Variants in TTC7B observed in about 807,000 individuals in gnomAD.
TTC7B encodes tetratricopeptide repeat domain 7B, also known as tetratricopeptide repeat protein 7B.
A neutral mutation model predicts 106.8 loss-of-function variants in TTC7B; 28 were observed. The ratio of observed to expected loss-of-function variants is 0.26; its 90% CI spans 0.19 to 0.36. The LOEUF is 0.36. TTC7B is among the 10% of genes least tolerant of loss of function. TTC7B has a pLI of 1.00. For missense variants in TTC7B, 862 were observed against 1,076.4 expected (o/e 0.80, Z 2.79); for synonymous variants, 405 against 430.6 (o/e 0.94, Z 0.74).
At chr14:90,760,351 T>TCCATATG (rs1890458718) in intron 3 of TTC7B, among the ~76,000 whole-genome samples, 1 of 152,194 alleles carries the variant, frequency 6.6e-6, no homozygotes, top group South Asian at 2.1e-4. Context: ...CTCCACAGTC[T>TCCATATG]GCAGAGGTGC....
intron 15 of TTC7B, among the ~76,000 whole-genome samples, chr14:90,635,886 G>A (rs1239944267): frequency 1.3e-5 from 2 of 151,906 alleles, no homozygotes; most frequent in Middle Eastern, 3.2e-3. Context: ...TTGGGAGGCC[G>A]AGGCAGGCAG....
At position 90,816,245 on chromosome 14, in the gene TTC7B, G is replaced by A. The variant is rs2140070576; in HGVS notation, c.51C>T (p.Cys17=). The change falls in exon 1 of 20, where the codon TGC becomes TGT. Residue 17 remains cysteine (C), a synonymous_variant. Transcript: ENST00000328459. ...GSRLETEIER[C]RSECQWERIP... The stretch of plus-strand genomic sequence containing the variant: ...TCCGCTCCCACTGGCACTCGGAGCG[G>A]CAGCGCTCGATCTCCGTCTCCAGCC... 7.9e-7 allele frequency: 1 copy of A among 1,261,046 alleles called. No homozygotes were observed. Among genetic ancestry groups the A allele is most frequent in the Non-Finnish European group, 1.0e-6 (1 of 971,578 alleles). The allele number at this position is 1,261,046 out of a possible 1,614,324, so 78.1% of individuals were successfully genotyped here.
chr14:90,528,126 T>C lies in TTC7B; in HGVS notation c.*13242A>G, dbSNP rs77140756. 0.029 allele frequency: 4,346 copies of C among 152,244 alleles called. 122 individuals are homozygous for C. Among genetic ancestry groups the C allele is most frequent in the East Asian group, 0.17 (848 of 5,128 alleles). The allele number at this position is 152,244 out of a possible 1,614,324, so 9.4% of individuals were successfully genotyped here. A position where few individuals can be genotyped will look rare whatever the true frequency, so the allele number is the denominator to read the frequency against. On this transcript the variant is annotated 3_prime_UTR_variant, in exon 20 of 20. Transcript: ENST00000328459. ...TCGCCTGCTGCCTCCCGGTTACCCA[T>C]ACAAACCATGGAAACAGGAATGGGT...
intron 1 of TTC7B, among the ~76,000 whole-genome samples, chr14:90,810,259 G>C (rs1273312208): frequency 6.6e-6 from 1 of 152,132 alleles, no homozygotes; most frequent in Non-Finnish European, 1.5e-5. Context: ...ATAATGCCCA[G>C]TAAACATAAC....
intron 9 of TTC7B, among the ~76,000 whole-genome samples, chr14:90,667,025 C>T (rs1195676595): frequency 2.0e-5 from 3 of 152,228 alleles, no homozygotes; most frequent in Non-Finnish European, 2.9e-5. Context: ...ACAAAATGGG[C>T]ATTCCATTCC....
chr14:90,612,569 A>G (rs1204149046), intron 16 of TTC7B, among the ~76,000 whole-genome samples: 3 of 152,190 alleles, frequency 2.0e-5, no homozygotes, highest in Non-Finnish European at 2.9e-5. Flanking sequence ...CTCATCTTCC[A>G]GGCCTCTCAT....
rs1886296767 is a variant in TTC7B at position 90,663,707 on chromosome 14, C to T, written c.1153-5320G>A. 6.6e-6 allele frequency among the ~76,000 whole-genome samples: 1 copy of T among 152,168 alleles called. No homozygotes were observed. The highest frequency in any genetic ancestry group is 6.5e-5 in the Admixed American group (1 of 15,282). On this transcript the variant is annotated intron_variant, in intron 9 of 19. Transcript: ENST00000328459. This position sits in a 1 kb window ranked among gnomAD's most constrained non-coding sequence, Gnocchi z 4.5. ...CCTCTTTCTCATAATGATAACAACC[C>T]ACCTCCCCTAACAAGCCATGAGGGT...
At chr14:90,633,957 C>A (rs1310415318) in intron 15 of TTC7B, among the ~76,000 whole-genome samples, 1 of 151,960 alleles carries the variant, frequency 6.6e-6, no homozygotes, top group Non-Finnish European at 1.5e-5. Flanking sequence ...TCATTGCAAC[C>A]TCCGCCTCCC....
intron 3 of TTC7B, among the ~76,000 whole-genome samples, chr14:90,776,992 T>C (rs1260447399): frequency 6.6e-6 from 1 of 152,124 alleles, no homozygotes; most frequent in Non-Finnish European, 1.5e-5. Flanking sequence ...TCCCAATACT[T>C]TGGGAGGCCG....
At chr14:90,713,486 T>C (rs1202400277) in intron 5 of TTC7B, among the ~76,000 whole-genome samples, 1 of 152,130 alleles carries the variant, frequency 6.6e-6, no homozygotes, top group Non-Finnish European at 1.5e-5. Flanking sequence ...TTAATTAAAA[T>C]CACAATGGGA....
Position 90,802,178 on chromosome 14 carries a change from G to C in TTC7B, c.121+13997C>G, listed in dbSNP as rs183175675. Among the ~76,000 whole-genome samples the C allele has an allele frequency of 6.6e-6, 1 of 152,198 alleles. No individual in the cohort carries two copies. Among genetic ancestry groups the C allele is most frequent in the Non-Finnish European group, 1.5e-5 (1 of 68,034 alleles). On this transcript the variant is annotated intron_variant, in intron 1 of 19. Transcript: ENST00000328459. The surrounding 1 kb of genome is among the most constrained non-coding windows in gnomAD (Gnocchi z 4.7). Reference sequence around the variant, plus strand: ...GGCCACATCAGAGGGCAGCCTCGACGTGAGGCATCTCAGGGGACTGCGGGG... The same window carrying C: ...GGCCACATCAGAGGGCAGCCTCGACCTGAGGCATCTCAGGGGACTGCGGGG...
chr14:90,697,019 TG>T (rs1887779651), intron 5 of TTC7B, among the ~76,000 whole-genome samples: 1 of 152,112 alleles, frequency 6.6e-6, no homozygotes, highest in African/African-American at 2.4e-5. Context: ...AAACAAAGGA[TG>T]GGAATGGATA....
chr14:90,695,028 TATTTTTTATTTTATTATAAA>T (rs1332434625), intron 6 of TTC7B, among the ~76,000 whole-genome samples: 2,554 of 101,038 alleles, frequency 0.025, 71 homozygotes, highest in Admixed American at 0.032. Flanking sequence ...AATATATGTA[TATTTTTTATTTTATTATAAA>T]ATATATTTTA....
At chr14:90,780,597 T>A in intron 3 of TTC7B, 141 bp downstream of exon 3, 1 of 910,270 alleles carries the variant, frequency 1.1e-6, no homozygotes, top group South Asian at 1.6e-5. Context: ...ACCCAGCATG[T>A]GCTGCAGGGC....
At chr14:90,555,234 C>T (rs1890253221) in intron 19 of TTC7B, among the ~76,000 whole-genome samples, 1 of 152,220 alleles carries the variant, frequency 6.6e-6, no homozygotes, top group Non-Finnish European at 1.5e-5. Context: ...GCACTCCCTA[C>T]ACCAACCTGG....
Position 90,541,058 on chromosome 14 carries a change from C to G in TTC7B, c.*310G>C. 2.9e-6 allele frequency: 1 copy of G among 341,694 alleles called. No homozygotes were observed. Among genetic ancestry groups the G allele is most frequent in the Non-Finnish European group, 5.3e-6 (1 of 189,438 alleles). 21.2% of individuals were successfully genotyped at this position (341,694 alleles called of 1,614,324 possible). ...TTTTAACTTTGAATATATTCTTCTA[C>G]ATTTGCTGATTAATTCCATAATCAT... On this transcript the variant is annotated 3_prime_UTR_variant, in exon 20 of 20. Transcript: ENST00000328459.
Position 90,654,975 on chromosome 14 carries a change from G to C in TTC7B, c.1459+18C>G. ...CAGCCCTGCAGCTCAGCAGCTGTGG[G>C]GGTGGGACGTCTCTCACCGTCAGTG... On this transcript the variant is annotated intron_variant, in intron 12 of 19. Transcript: ENST00000328459. 2.6e-6 allele frequency: 4 copies of C among 1,566,236 alleles called. No homozygotes were observed. Among genetic ancestry groups the C allele is most frequent in the South Asian group, 1.1e-5 (1 of 90,112 alleles).
At chr14:90,563,576 C>A (rs1299561623) in intron 19 of TTC7B, among the ~76,000 whole-genome samples, 2 of 152,148 alleles carry the variant, frequency 1.3e-5, no homozygotes, top group Non-Finnish European at 2.9e-5. Context: ...GGCCCTGGGG[C>A]AGTTTCCTAC....
intron 1 of TTC7B, among the ~76,000 whole-genome samples, chr14:90,813,667 G>A (rs966825415): frequency 2.1e-5 from 3 of 141,714 alleles, no homozygotes; most frequent in African/African-American, 7.6e-5. Flanking sequence ...TCCAAACACT[G>A]TATTCTTTTT....
Sources: allele counts gnomAD v4.1 joint callset (sites outside exome capture counted in the v4.1 genomes callset), GRCh38; gene constraint gnomAD v4.1.1; non-coding constraint Gnocchi (gnomAD v3.1); transcripts MANE v1.5; gene names NCBI Gene and HGNC (gene_info 2026-07-23, HGNC 2026-07-21).